Variants in HEXA observed in about 807,000 individuals in gnomAD.
HEXA encodes hexosaminidase subunit alpha, also known as beta-hexosaminidase subunit alpha.
A neutral mutation model predicts 73.3 loss-of-function variants in HEXA; 54 were observed. The ratio of observed to expected loss-of-function variants is 0.74; its 90% confidence interval spans 0.59 to 0.92. The LOEUF is 0.92. Among genes scored for constraint, HEXA ranks in the 40% least tolerant of loss-of-function variants. HEXA has a pLI of 0.00. For missense variants in HEXA, 649 were observed against 653.0 expected (o/e 0.99, Z 0.07); for synonymous variants, 230 against 246.9 (o/e 0.93, Z 0.64).
At position 72,346,714 on chromosome 15, in the gene HEXA, T is replaced by C. The variant is rs373783583; in HGVS notation, c.1147-4A>G. 1 of 1,613,778 alleles carries C rather than the reference T, an allele frequency of 6.2e-7. No individual in the cohort carries two copies. The highest frequency in any genetic ancestry group is 8.5e-7 in the Non-Finnish European group (1 of 1,179,906). ...GTATGATTGTGTCTGGCTGAATCTG[T>C]TATAAAAGGTCAAATGGCAGTAAGG... is the stretch of plus-strand genomic sequence containing the variant. On this transcript the variant is annotated splice_polypyrimidine_tract_variant and splice_region_variant and intron_variant, in intron 10 of 13. Transcript: ENST00000268097.
intron 1 of HEXA, among the ~76,000 whole-genome samples, chr15:72,368,980 T>C (rs1238705084): frequency 6.6e-6 from 1 of 152,218 alleles, no homozygotes; most frequent in Non-Finnish European, 1.5e-5. Flanking sequence ...GGCTGCTTAA[T>C]GACAGCTGAC....
At chr15:72,355,390 G>A (rs2088761985) in intron 3 of HEXA, 169 bp downstream of exon 3, 1 of 674,628 alleles carries the variant, frequency 1.5e-6, no homozygotes, top group East Asian at 2.8e-5. Context: ...GCTGGGCATG[G>A]TGGCAGGCAC....
intron 5 of HEXA, among the ~76,000 whole-genome samples, chr15:72,352,758 G>A (rs893585835): frequency 1.3e-5 from 2 of 151,886 alleles, no homozygotes; most frequent in Non-Finnish European, 2.9e-5. Flanking sequence ...CTGCCTCCTG[G>A]GTTCATGCGA....
intron 5 of HEXA, 64 bp from the exon 6 acceptor site, chr15:72,351,298 G>A (rs1259301811): frequency 2.9e-5 from 32 of 1,089,868 alleles, no homozygotes; most frequent in East Asian, 2.1e-4. Flanking sequence ...TCAAACTTGC[G>A]ATGTTGGGCG....
chr15:72,355,489 G>A (rs2088763535), intron 3 of HEXA, 70 bp downstream of exon 3: 1 of 1,085,368 alleles, frequency 9.2e-7, no homozygotes, highest in Admixed American at 1.7e-5. Flanking sequence ...CTGGGCCACT[G>A]CACTCCACCA....
chr15:72,364,535 C>T (rs975510836), intron 1 of HEXA, among the ~76,000 whole-genome samples: 16 of 152,036 alleles, frequency 1.1e-4, no homozygotes, highest in African/African-American at 3.9e-4. Context: ...AACAAATATT[C>T]ATATATATGT....
intron 1 of HEXA, among the ~76,000 whole-genome samples, chr15:72,361,105 A>G (rs1179728331): frequency 6.6e-6 from 1 of 152,158 alleles, no homozygotes. Flanking sequence ...TTCAACAGTA[A>G]TTTACTGAAT....
At chr15:72,362,391 C>A in intron 1 of HEXA, 1 of 451,050 alleles carries the variant, frequency 2.2e-6, no homozygotes, top group South Asian at 1.6e-5. Flanking sequence ...TTGTGAGTTC[C>A]TCAACAGGAG....
At position 72,349,104 on chromosome 15, in the gene HEXA, C is replaced by T. The variant is rs556877212; in HGVS notation, c.961G>A (p.Gly321Arg). Residue 321 changes from glycine (G) to arginine (R), a missense_variant, in exon 8 of 14, where the codon GGA (glycine) becomes AGA (arginine). Transcript: ENST00000268097. ...VFPDFYLHLG[G>R]DEVDFTCWKS... ...CAGCAGGTGAAATCAACCTCATCTCCTCCAAGATGAAGATAAAAATCTGGG... is the reference window on the plus strand; with the variant it reads ...CAGCAGGTGAAATCAACCTCATCTCTTCCAAGATGAAGATAAAAATCTGGG... The T allele has an allele frequency of 2.5e-6, 4 of 1,613,870 alleles. No homozygotes were observed. The African/African-American group carries it at 4.0e-5, about 16-fold the overall frequency.
At position 72,346,665 on chromosome 15, in the gene HEXA, C is replaced by A. The variant is rs755007226; in HGVS notation, c.1192G>T (p.Val398Leu). The A allele has an allele frequency of 1.2e-6, 2 of 1,614,160 alleles. No homozygotes were observed. The highest frequency in any genetic ancestry group is 8.5e-7 in the Non-Finnish European group (1 of 1,180,036). The change falls in exon 11 of 14, where the codon GTG becomes TTG. Residue 398 changes from valine (V) to leucine (L), a missense_variant. Transcript: ENST00000268097. ...IIQVWREDIP[V>L]NYMKELELVT... ...AGTTCCAGCTCCTTCATATAGTTCA[C>A]TGGAATATCCTCTCGCCACACCTGT...
intron 13 of HEXA, chr15:72,345,241 A>G (rs1044298723): frequency 2.3e-6 from 2 of 886,524 alleles, no homozygotes; most frequent in Admixed American, 2.6e-5. Flanking sequence ...GTTGTTATAC[A>G]GTATTTTTTA....
At chr15:72,353,443 ATTTTC>A (rs2088729320) in intron 4 of HEXA, among the ~76,000 whole-genome samples, 1 of 152,120 alleles carries the variant, frequency 6.6e-6, no homozygotes, top group Admixed American at 6.6e-5. Flanking sequence ...AACATAGTTT[ATTTTC>A]TTCAAAGCAG....
intron 1 of HEXA, 91 bp downstream of exon 1, chr15:72,375,629 A>T (rs1225238674): frequency 1.4e-6 from 2 of 1,455,014 alleles, no homozygotes; most frequent in South Asian, 2.4e-5. Flanking sequence ...GCTGGACAAA[A>T]GCCCATAGGG....
In HEXA at chr15:72,345,503, G is replaced by A. The variant is rs2088600309; in HGVS notation, c.1469C>T (p.Thr490Ile). 16 of 1,614,154 alleles carry A rather than the reference G, an allele frequency of 9.9e-6. No homozygotes were observed. Among genetic ancestry groups the A allele is most frequent in the Non-Finnish European group, 1.4e-5 (16 of 1,180,054 alleles). The stretch of plus-strand genomic sequence containing the variant: ...TTCATAGGCAAATGTCAGGTCAGAT[G>A]TCAACTTGTTGCTCCACAGCCTTTC... ...VAERLWSNKL[T>I]SDLTFAYERL... Residue 490 changes from threonine (T) to isoleucine (I), a missense_variant, in exon 13 of 14, where the codon ACA (threonine) becomes ATA (isoleucine). Thr to Ile is a moderately conservative substitution (Grantham distance 89, BLOSUM62 -1). Transcript: ENST00000268097.
chr15:72,357,106 A>G lies in HEXA; in HGVS notation c.254-489T>C, dbSNP rs564325799. The G allele has an allele frequency of 1.8e-3, 468 of 254,374 alleles. 2 individuals are homozygous for G. The highest frequency in any genetic ancestry group is 0.017 in the Middle Eastern group (12 of 698). The allele number at this position is 254,374 out of a possible 1,614,324, so 15.8% of individuals were successfully genotyped here. Reference sequence around the variant, plus strand: ...CTGTCTAGTTCTAACATTTTTTCATACAAGATTTTCTTGATGAAGAGATCA... The same window carrying G: ...CTGTCTAGTTCTAACATTTTTTCATGCAAGATTTTCTTGATGAAGAGATCA... On this transcript the variant is annotated intron_variant, in intron 1 of 13. Coordinates refer to ENST00000268097, the MANE Select transcript of HEXA (RefSeq NM_000520.6).
chr15:72,344,094 C>T lies in HEXA; in HGVS notation c.1573G>A (p.Glu525Lys). Residue 525 changes from glutamate to lysine, a missense_variant, in exon 14 of 14, where the codon GAG becomes AAG. Glu to Lys is a moderately conservative substitution (Grantham distance 56). Transcript: ENST00000268097. Reference protein sequence around the residue: ...QPLNVGFCEQEFEQT With the variant: ...QPLNVGFCEQKFEQT ...CCTGGGGCTCAGGTCTGTTCAAACT[C>T]CTGCTCACAGAAGCCTACATTGAGG... 1 of 1,613,908 alleles carries T rather than the reference C, an allele frequency of 6.2e-7. No individual in the cohort carries two copies. Among genetic ancestry groups the T allele is most frequent in the African/African-American group, 1.3e-5 (1 of 75,014 alleles).
At chr15:72,352,535 T>A (rs907990006) in intron 5 of HEXA, among the ~76,000 whole-genome samples, 1 of 152,002 alleles carries the variant, frequency 6.6e-6, no homozygotes, top group East Asian at 1.9e-4. Flanking sequence ...AACATTTGTA[T>A]CCCTGGAAAC....
At chr15:72,347,312 G>A (rs1331800151) in intron 10 of HEXA, among the ~76,000 whole-genome samples, 2 of 150,650 alleles carry the variant, frequency 1.3e-5, no homozygotes, top group Non-Finnish European at 3.0e-5. Context: ...TCACTCTGTT[G>A]CCCAGGGTTG....
rs1402785842 is a variant in HEXA, at chr15:72,341,576, C to T, written c.*2501G>A. 6.6e-6 allele frequency: 1 copy of T among 152,250 alleles called. No homozygotes were observed. Among genetic ancestry groups the T allele is most frequent in the Non-Finnish European group, 1.5e-5 (1 of 68,086 alleles). The allele number at this position is 152,250 out of a possible 1,614,324, so 9.4% of individuals were successfully genotyped here. A position where few individuals can be genotyped will look rare whatever the true frequency, so the allele number is the denominator to read the frequency against. On this transcript the variant is annotated 3_prime_UTR_variant, in exon 14 of 14. Transcript: ENST00000268097. ...GGATGACTGGAGCCAGGAAGTCAGTCTGGAAACTTCCCCACCCCCTGGTGG... is the reference window on the plus strand; with the variant it reads ...GGATGACTGGAGCCAGGAAGTCAGTTTGGAAACTTCCCCACCCCCTGGTGG...
Sources: gnomAD v4.1 joint callset for allele counts (sites outside exome capture counted in the v4.1 genomes callset) on GRCh38, gnomAD v4.1.1 for gene constraint, MANE v1.5 for transcripts, NCBI Gene and HGNC (gene_info 2026-07-23, HGNC 2026-07-21) for gene names.